CRYBG3: variants seen among roughly 807,000 people sequenced by gnomAD.
CRYBG3 encodes the protein very large A-kinase anchor protein.
CRYBG3 carries 127 observed loss-of-function variants against 244.2 expected under a neutral mutation model. That is an observed-to-expected ratio of 0.52 (90% CI 0.45 to 0.60). The LOEUF (loss-of-function observed/expected upper bound fraction) is 0.60, where lower values mean the gene tolerates loss of function less well. Among genes scored for constraint, CRYBG3 ranks in the 20% least tolerant of loss-of-function variants. The probability of loss-of-function intolerance (pLI) is 0.00; values close to 1 mark genes in which losing one functional copy is unlikely to be tolerated. For synonymous variants in CRYBG3, 1,132 were observed against 1,195.8 expected, an observed-to-expected ratio of 0.95 and a Z score of 1.10; for missense variants, 3,325 against 3,442.5, an observed-to-expected ratio of 0.97 and a Z score of 0.85.
In CRYBG3 at chr3:97,871,986, T is replaced by C; in HGVS notation, c.792T>C (p.Ser264=). ...LDRENESSDS[S]TNRHIDPGSE... is the part of the protein sequence containing the mutation. ...GAGAAAATGAAAGTTCTGACTCTAG[T>C]ACAAACAGACACATTGACCCTGGAA... is the stretch of plus-strand genomic sequence containing the variant. Residue 264 remains serine (S), a synonymous_variant, in exon 4 of 22, where the codon AGT becomes AGC. Coordinates refer to ENST00000389622, the MANE Select transcript of CRYBG3 (RefSeq NM_153605.4). The C allele has an allele frequency of 2.0e-6, 3 of 1,535,858 alleles. No homozygotes were observed. Among genetic ancestry groups the C allele is most frequent in the South Asian group, 2.4e-5 (2 of 84,042 alleles).
At chr3:97,892,728 G>T in intron 10 of CRYBG3, 132 bp from the exon 11 acceptor site, 1 of 520,398 alleles carries the variant, frequency 1.9e-6, no homozygotes, top group South Asian at 4.2e-5. Context: ...CCTTTTCCAT[G>T]AACTTTTTGA....
intron 6 of CRYBG3, 133 bp from the exon 7 acceptor site, chr3:97,880,939 A>C (rs1356890756): frequency 5.1e-6 from 3 of 587,160 alleles, no homozygotes; most frequent in East Asian, 3.2e-5. Context: ...TTGTTTCAAA[A>C]AATAGGGTTA....
chr3:97,874,012 A>G lies in CRYBG3; in HGVS notation c.2818A>G (p.Ile940Val), dbSNP rs568498322. ...TCCTCCTGCTCTTCTTAAAAGTAAT[A>G]TATCTTGGATTTTACCACCTATTCA... Reference protein sequence around the residue: ...GSPPALLKSNISWILPPIHDE... With the variant: ...GSPPALLKSNVSWILPPIHDE... Residue 940 changes from isoleucine (I) to valine (V), a missense_variant, in exon 4 of 22, where the codon ATA becomes GTA. Physicochemically the swap from Ile to Val is conservative, Grantham distance 29 (BLOSUM62 3). Around this residue, in one of 4 missense-constraint regions of CRYBG3, gnomAD observed 1,526 missense variants for 1,443.2 expected, o/e 1.06. Transcript: ENST00000389622. 5.9e-6 allele frequency: 9 copies of G among 1,535,304 alleles called. No individual in the cohort carries two copies. Among genetic ancestry groups the G allele is most frequent in the Middle Eastern group, 3.3e-4 (2 of 5,980 alleles).
intron 7 of CRYBG3, among the ~76,000 whole-genome samples, chr3:97,882,189 C>G (rs1347192041): frequency 1.4e-5 from 2 of 146,168 alleles, no homozygotes; most frequent in East Asian, 4.1e-4. Flanking sequence ...GCCTGGGCGA[C>G]AGAGCAAGAC....
chr3:97,851,995 GA>G (rs1373036590), intron 2 of CRYBG3, among the ~76,000 whole-genome samples: 1 of 152,184 alleles, frequency 6.6e-6, no homozygotes, highest in Non-Finnish European at 1.5e-5. Context: ...AAACTTTATA[GA>G]AGAAGGAAGA....
intron 6 of CRYBG3, 88 bp downstream of exon 6, chr3:97,880,188 G>T: frequency 1.5e-6 from 1 of 646,954 alleles, no homozygotes; most frequent in South Asian, 2.2e-5. Flanking sequence ...ATTTTTTATT[G>T]AAGTCATATT....
chr3:97,872,358 C>T lies in CRYBG3; in HGVS notation c.1164C>T (p.Asn388=). The change falls in exon 4 of 22, where the codon AAC becomes AAT. Residue 388 remains asparagine (N), a synonymous_variant. Transcript: ENST00000389622. ...LVCSALLTGS[N]HRKVPCSPDF... ...GTTCAGCATTGTTAACAGGAAGTAACCATCGCAAAGTCCCTTGCAGCCCAG... is the reference window on the plus strand; with the variant it reads ...GTTCAGCATTGTTAACAGGAAGTAATCATCGCAAAGTCCCTTGCAGCCCAG... The T allele has an allele frequency of 6.5e-7, 1 of 1,535,914 alleles. No homozygotes were observed. The highest frequency in any genetic ancestry group is 8.7e-7 in the Non-Finnish European group (1 of 1,146,808).
At chr3:97,886,898 T>TTAAA (rs1460312391) in intron 8 of CRYBG3, 131 bp downstream of exon 8, 4 of 714,786 alleles carry the variant, frequency 5.6e-6, no homozygotes, top group Non-Finnish European at 8.9e-6. Flanking sequence ...ACTGCAGGGG[T>TTAAA]TAAAAGATTC....
chr3:97,841,656 C>T (rs2038820961), intron 1 of CRYBG3, among the ~76,000 whole-genome samples: 1 of 152,074 alleles, frequency 6.6e-6, no homozygotes, highest in Non-Finnish European at 1.5e-5. Flanking sequence ...ATACTTCCTC[C>T]TCTCCGGGCC....
chr3:97,928,157 C>G (rs2040060014), intron 17 of CRYBG3, among the ~76,000 whole-genome samples: 1 of 151,998 alleles, frequency 6.6e-6, no homozygotes, highest in South Asian at 2.1e-4. Context: ...CCTAGGTACC[C>G]ATCAACGTTG....
chr3:97,829,748 A>G (rs1386075607), intron 1 of CRYBG3, among the ~76,000 whole-genome samples: 3 of 152,180 alleles, frequency 2.0e-5, no homozygotes, highest in African/African-American at 7.2e-5. Flanking sequence ...CCAGCAGTTA[A>G]CAAGGTGCAG....
At chr3:97,935,091 A>G (rs1415559385) in intron 18 of CRYBG3, among the ~76,000 whole-genome samples, 1 of 152,206 alleles carries the variant, frequency 6.6e-6, no homozygotes, top group East Asian at 1.9e-4. Context: ...GTTACAGAAT[A>G]CTACTTAATG....
At chr3:97,849,186 A>C (rs1426054612) in intron 2 of CRYBG3, among the ~76,000 whole-genome samples, 2 of 152,204 alleles carry the variant, frequency 1.3e-5, no homozygotes, top group African/African-American at 4.8e-5. Context: ...CATGTTAAGT[A>C]CTGTACAATG....
At chr3:97,937,477 T>C (rs754671563) in intron 19 of CRYBG3, among the ~76,000 whole-genome samples, 12 of 152,212 alleles carry the variant, frequency 7.9e-5, no homozygotes, top group Admixed American at 2.6e-4. Flanking sequence ...GCACCCTCTG[T>C]ATCGTGTTCT....
chr3:97,911,243 G>A (rs1262076756), intron 15 of CRYBG3, among the ~76,000 whole-genome samples: 1 of 152,178 alleles, frequency 6.6e-6, no homozygotes, highest in Non-Finnish European at 1.5e-5. Context: ...ATGAGCAGAT[G>A]GTTTGTTGTG....
At chr3:97,933,662 C>T (rs370970770) in intron 17 of CRYBG3, 32 bp from the exon 18 acceptor site, 126 of 1,610,646 alleles carry the variant, frequency 7.8e-5, no homozygotes, top group Non-Finnish European at 9.5e-5. Context: ...TATGGCCACT[C>T]CTATGGTGAC....
At chr3:97,845,815 A>T (rs148171844) in intron 2 of CRYBG3, among the ~76,000 whole-genome samples, 2 of 152,326 alleles carry the variant, frequency 1.3e-5, no homozygotes, top group East Asian at 3.9e-4. Context: ...CTTTAAATAT[A>T]TAAAATTAAA....
chr3:97,902,606 C>T (rs925647467), intron 15 of CRYBG3, among the ~76,000 whole-genome samples: 6 of 152,000 alleles, frequency 3.9e-5, no homozygotes, highest in Non-Finnish European at 7.4e-5. Context: ...TCCTTCCCCT[C>T]GCCCCTCACT....
chr3:97,845,689 A>T (rs2038890366), intron 2 of CRYBG3, among the ~76,000 whole-genome samples: 1 of 152,130 alleles, frequency 6.6e-6, no homozygotes, highest in African/African-American at 2.4e-5. Flanking sequence ...CTTGACTACA[A>T]CATGTGCAGT....
Sources: gnomAD v4.1 joint callset for allele counts (sites outside exome capture counted in the v4.1 genomes callset) on GRCh38, gnomAD v4.1.1 for gene constraint, gnomAD v4.1.1 regional missense constraint, MANE v1.5 for transcripts, NCBI Gene and HGNC (gene_info 2026-07-23, HGNC 2026-07-21) for gene names.